The following ZNF160 variants were observed in gnomAD, a reference collection of about 807,000 sequenced individuals.
ZNF160 encodes KRAB zinc finger protein KR18.
In ZNF160, 9 loss-of-function variants were observed where a neutral mutation model predicts 13.1. The observed-to-expected ratio is 0.69, with a 90% CI of 0.41 to 1.20. The LOEUF (loss-of-function observed/expected upper bound fraction) is 1.20. Ranked by LOEUF, ZNF160 falls within the 50% of genes most tolerant of loss-of-function variation. The pLI is 0.01. For missense variants in ZNF160, 838 were observed against 988.0 expected, an observed-to-expected ratio of 0.85 and a Z score of 2.04; for synonymous variants, 293 against 333.2, an observed-to-expected ratio of 0.88 and a Z score of 1.31.
intron 3 of ZNF160, among the ~76,000 whole-genome samples, chr19:53,077,760 G>A (rs1312474717): frequency 6.7e-6 from 1 of 148,360 alleles, no homozygotes; most frequent in South Asian, 2.1e-4. Context: ...TAAAGAAGCA[G>A]ATATATATAT....
chr19:53,081,232 A>G (rs1453165095), intron 3 of ZNF160, among the ~76,000 whole-genome samples: 1 of 152,196 alleles, frequency 6.6e-6, no homozygotes. Context: ...ATTTATGAAG[A>G]CCTCATAATA....
rs982339405 is a variant in ZNF160, at chr19:53,103,259, A to C, written c.-354+6T>G. On this transcript the variant is annotated splice_donor_region_variant and intron_variant, in intron 1 of 5. Transcript: ENST00000683776. ...TCTCCGGGCCCACACAGCAAGGCCT[A>C]TTTACCTGAGGTGGAGGGTGCGGTG... is the stretch of plus-strand genomic sequence containing the variant. 1 of 151,998 alleles carries C rather than the reference A, an allele frequency of 6.6e-6. No homozygotes were observed. The highest frequency in any genetic ancestry group is 2.4e-5 in the African/African-American group (1 of 41,334). The allele number at this position is 151,998 out of a possible 1,614,324, so 9.4% of individuals were successfully genotyped here.
At chr19:53,078,056 A>G (rs751427710) in intron 3 of ZNF160, among the ~76,000 whole-genome samples, 1 of 152,178 alleles carries the variant, frequency 6.6e-6, no homozygotes, top group Admixed American at 6.5e-5. Flanking sequence ...CCTGGCCAAC[A>G]TGATGAAACC....
At chr19:53,070,792 T>C (rs933713102) in intron 5 of ZNF160, among the ~76,000 whole-genome samples, 16 of 152,192 alleles carry the variant, frequency 1.1e-4, no homozygotes, top group African/African-American at 3.6e-4. Context: ...TTGTGGCTCA[T>C]GCCTGTAATC....
rs1472258488 is a variant in ZNF160, at chr19:53,068,278, T to C, written c.2256A>G (p.Arg752=). The C allele has an allele frequency of 6.2e-7, 1 of 1,613,550 alleles. No individual in the cohort carries two copies. Among genetic ancestry groups the C allele is most frequent in the Non-Finnish European group, 8.5e-7 (1 of 1,179,824 alleles). ...FTQNAHLANH[R]RIHTGEKPYR... The stretch of plus-strand genomic sequence containing the variant: ...AAGGTTTCTCCCCAGTATGAATTCT[T>C]CGGTGATTTGCCAGGTGAGCATTTT... Residue 752 remains arginine, a synonymous_variant, in exon 6 of 6, where the codon CGA becomes CGG. Coordinates refer to ENST00000683776, the MANE Select transcript of ZNF160 (RefSeq NM_001322131.2).
At position 53,068,815 on chromosome 19, in the gene ZNF160, G is replaced by C. The variant is rs1276710418; in HGVS notation, c.1719C>G (p.Val573=). 6.2e-7 allele frequency: 1 copy of C among 1,612,658 alleles called. No homozygotes were observed. The highest frequency in any genetic ancestry group is 1.3e-5 in the African/African-American group (1 of 74,888). ...KPYKCNECGK[V]FAQTSQLARH... ...TTGCAAGTTGTGATGTTTGAGCGAA[G>C]ACTTTACCACATTCATTACACTTGT... The change falls in exon 6 of 6, where the codon GTC becomes GTG. Residue 573 remains valine, a synonymous_variant. Transcript: ENST00000683776.
At chr19:53,099,774 A>C (rs1349161515) in intron 1 of ZNF160, among the ~76,000 whole-genome samples, 1 of 152,206 alleles carries the variant, frequency 6.6e-6, no homozygotes, top group Non-Finnish European at 1.5e-5. Flanking sequence ...TATTGCCCAG[A>C]CTGAGGTATA....
intron 5 of ZNF160, among the ~76,000 whole-genome samples, chr19:53,071,832 G>A (rs1413741123): frequency 6.6e-6 from 1 of 151,988 alleles, no homozygotes; most frequent in Non-Finnish European, 1.5e-5. Context: ...AGAAAAATAA[G>A]TTATACACAT....
intron 3 of ZNF160, chr19:53,085,764 G>C (rs2084807010): frequency 2.4e-6 from 1 of 417,508 alleles, no homozygotes; most frequent in Non-Finnish European, 4.3e-6. Flanking sequence ...TTTCCATTCT[G>C]TTCCCAGTCT....
intron 3 of ZNF160, among the ~76,000 whole-genome samples, chr19:53,083,512 C>T (rs329698): frequency 0.88 from 133,102 of 152,036 alleles, 58,358 homozygotes; most frequent in Middle Eastern, 0.93. Flanking sequence ...ATAAGATAAA[C>T]TGAACAAATA....
In ZNF160 at chr19:53,069,628, A is replaced by C; in HGVS notation, c.906T>G (p.Ile302Met). 1 of 1,613,486 alleles carries C rather than the reference A, an allele frequency of 6.2e-7. No individual in the cohort carries two copies. The highest frequency in any genetic ancestry group is 8.5e-7 in the Non-Finnish European group (1 of 1,179,702). Residue 302 changes from isoleucine to methionine, a missense_variant, in exon 6 of 6, where the codon ATT (isoleucine) becomes ATG (methionine). By Grantham distance (10) the Ile-to-Met change is conservative. Around this residue, in one of 3 missense-constraint regions of ZNF160, gnomAD observed 387 missense variants for 402.3 expected, o/e 0.96. Transcript: ENST00000683776. The surrounding 1 kb of genome is among the most constrained non-coding windows in gnomAD (Gnocchi z 4.4). ...TTTCTCCAGTATGGATGACCTGATG[A>C]ATAGTTAGATTTGAACGAACAGTAA... ...KTFTVRSNLTIHQVIHTGEKP... is the reference protein window; with the variant it reads ...KTFTVRSNLTMHQVIHTGEKP...
Position 53,068,369 on chromosome 19 carries a change from G to C in ZNF160, c.2165C>G (p.Thr722Ser). ...KAFSVRSSLT[T>S]HQAIHTGKKP... ...TTTCCCAGTATGGATTGCCTGATGG[G>C]TGGTTAGGCTTGAACGAACACTGAA... The change falls in exon 6 of 6, where the codon ACC (threonine) becomes AGC (serine). Residue 722 changes from threonine (T) to serine (S), a missense_variant. Thr to Ser is a moderately conservative substitution (Grantham distance 58). Transcript: ENST00000683776. 2 of 1,614,030 alleles carry C rather than the reference G, an allele frequency of 1.2e-6. No individual in the cohort carries two copies. Among genetic ancestry groups the C allele is most frequent in the South Asian group, 2.2e-5 (2 of 91,080 alleles).
intron 1 of ZNF160, among the ~76,000 whole-genome samples, chr19:53,091,933 T>C (rs1444491491): frequency 6.6e-6 from 1 of 152,222 alleles, no homozygotes; most frequent in Non-Finnish European, 1.5e-5. Context: ...GTTAGGTCAA[T>C]AACTTGCTTT....
At chr19:53,093,391 A>G (rs529974642) in intron 1 of ZNF160, among the ~76,000 whole-genome samples, 130 of 152,308 alleles carry the variant, frequency 8.5e-4, no homozygotes, top group African/African-American at 3.1e-3. Context: ...ATGAGCCAAG[A>G]TCGTGCCACT....
intron 5 of ZNF160, among the ~76,000 whole-genome samples, chr19:53,072,093 A>ATTTC (rs1323928075): frequency 6.7e-6 from 1 of 149,090 alleles, no homozygotes; most frequent in Non-Finnish European, 1.5e-5. Context: ...TGACAGTTAT[A>ATTTC]TTTCTTTCTT....
intron 1 of ZNF160, among the ~76,000 whole-genome samples, chr19:53,102,134 T>A (rs184453629): frequency 6.6e-6 from 1 of 152,292 alleles, no homozygotes; most frequent in East Asian, 1.9e-4. Flanking sequence ...TTTCCCCTTA[T>A]ATCTGTTCTA....
chr19:53,083,597 C>T (rs960769085), intron 3 of ZNF160, among the ~76,000 whole-genome samples: 9 of 152,230 alleles, frequency 5.9e-5, no homozygotes, highest in African/African-American at 1.4e-4. Flanking sequence ...GACAACAGTG[C>T]GTATATAAAG....
chr19:53,100,235 A>G (rs965968049), intron 1 of ZNF160, among the ~76,000 whole-genome samples: 1 of 152,182 alleles, frequency 6.6e-6, no homozygotes, highest in Non-Finnish European at 1.5e-5. Context: ...GAACTGACAA[A>G]AGGGACTTGA....
intron 1 of ZNF160, among the ~76,000 whole-genome samples, chr19:53,100,298 G>A (rs1220988465): frequency 6.6e-6 from 1 of 152,180 alleles, no homozygotes; most frequent in Non-Finnish European, 1.5e-5. Context: ...GATGACATAA[G>A]GGAAGAAAAC....
Sources: allele counts gnomAD v4.1 joint callset (sites outside exome capture counted in the v4.1 genomes callset), GRCh38; gene constraint gnomAD v4.1.1; regional missense constraint gnomAD v4.1.1; non-coding constraint Gnocchi (gnomAD v3.1); transcripts MANE v1.5; gene names NCBI Gene and HGNC (gene_info 2026-07-23, HGNC 2026-07-21).